The following KCNMB2 variants were observed in gnomAD, a reference collection of about 807,000 sequenced individuals.
KCNMB2 encodes calcium-activated potassium channel subunit beta-2.
In KCNMB2, 9 loss-of-function variants were observed where a neutral mutation model predicts 24.5. That is an observed-to-expected ratio of 0.37 (90% CI 0.22 to 0.64). KCNMB2 has a LOEUF of 0.64. Ranked by LOEUF, KCNMB2 falls within the 30% of genes least tolerant of loss-of-function variation. The probability of loss-of-function intolerance (pLI) is 0.63; values close to 1 mark genes in which losing one functional copy is unlikely to be tolerated. For synonymous variants in KCNMB2, 109 were observed against 104.4 expected (o/e 1.04, Z -0.27); for missense variants, 226 against 284.3 (o/e 0.79, Z 1.47).
chr3:178,629,002 A>G (rs987828253), intron 1 of KCNMB2, among the ~76,000 whole-genome samples: 27 of 152,256 alleles, frequency 1.8e-4, no homozygotes, highest in African/African-American at 6.5e-4. Context: ...CATTTAACTG[A>G]AGCAAATTTA....
chr3:178,814,533 T>C (rs1313279322), intron 2 of KCNMB2, among the ~76,000 whole-genome samples: 2 of 152,180 alleles, frequency 1.3e-5, no homozygotes, highest in African/African-American at 4.8e-5. Context: ...TAGTTCCATT[T>C]TCAGTAATTT....
chr3:178,742,160 G>A (rs531113309), intron 1 of KCNMB2, among the ~76,000 whole-genome samples: 55 of 152,218 alleles, frequency 3.6e-4, no homozygotes, highest in African/African-American at 1.2e-3. Context: ...GTATTTCATG[G>A]AGTAGAGCCA....
intron 1 of KCNMB2, among the ~76,000 whole-genome samples, chr3:178,576,610 C>G (rs913285389): frequency 3.3e-5 from 5 of 152,150 alleles, no homozygotes; most frequent in Non-Finnish European, 7.4e-5. Flanking sequence ...TTCTTGCTGC[C>G]AGCACAGCAG....
intron 4 of KCNMB2, 120 bp downstream of exon 4, chr3:178,828,493 C>T (rs953764714): frequency 1.5e-6 from 1 of 662,768 alleles, no homozygotes; most frequent in Non-Finnish European, 2.5e-6. Context: ...GCAGAGCCTG[C>T]CTCTTCCATT....
At chr3:178,564,598 T>C (rs1716451025) in intron 1 of KCNMB2, among the ~76,000 whole-genome samples, 1 of 152,166 alleles carries the variant, frequency 6.6e-6, no homozygotes, top group Non-Finnish European at 1.5e-5. Context: ...TTTACATGCA[T>C]TGCCTTATCG....
At chr3:178,651,664 C>T (rs992200418) in intron 1 of KCNMB2, among the ~76,000 whole-genome samples, 9 of 152,188 alleles carry the variant, frequency 5.9e-5, no homozygotes, top group African/African-American at 2.2e-4. Context: ...TACCTGACTT[C>T]AAACTATACT....
chr3:178,835,507 G>T (rs1715192842), intron 4 of KCNMB2, among the ~76,000 whole-genome samples: 1 of 151,682 alleles, frequency 6.6e-6, no homozygotes, highest in Admixed American at 6.6e-5. Context: ...GTGAATCCAA[G>T]GCTACCAGCT....
rs375913243 is a variant in KCNMB2, at chr3:178,790,751, C to T, written c.-67-16592C>T. Among the ~76,000 whole-genome samples the T allele has an allele frequency of 3.7e-4, 56 of 152,258 alleles. 1 individual carries two copies. In the South Asian group the frequency reaches 0.011, roughly 29 times the overall value. ...ACCCCTCCAACAGCTCCAGGCAACT[C>T]GGCACAAAGAGAGACACTTCATTTC... is the stretch of plus-strand genomic sequence containing the variant. On this transcript the variant is annotated intron_variant, in intron 1 of 4. Coordinates refer to ENST00000452583, the MANE Select transcript of KCNMB2 (RefSeq NM_181361.3).
intron 1 of KCNMB2, 130 bp from the exon 2 acceptor site, chr3:178,807,213 C>A: frequency 2.2e-6 from 1 of 461,050 alleles, no homozygotes; most frequent in Non-Finnish European, 3.8e-6. Context: ...TTAAAAATTC[C>A]CAGTCAATTT....
chr3:178,561,760 G>C (rs953806431), intron 1 of KCNMB2, among the ~76,000 whole-genome samples: 1 of 152,148 alleles, frequency 6.6e-6, no homozygotes, highest in Non-Finnish European at 1.5e-5. Context: ...AATCTGATAT[G>C]CAGCAACTAT....
chr3:178,612,889 A>ATTTTTTG lies in KCNMB2; in HGVS notation c.-68+76180_-68+76186dup, dbSNP rs1276626591. On this transcript the variant is annotated intron_variant, in intron 1 of 4. Coordinates refer to ENST00000452583, the MANE Select transcript of KCNMB2 (RefSeq NM_181361.3). ...AGTATGATTTTGCTTCTTACTTTAT[A>ATTTTTTG]TTTTTTGTGTATCTATTGTGTGTTT... Among the ~76,000 whole-genome samples the ATTTTTTG allele has an allele frequency of 8.6e-5, 13 of 152,018 alleles. No individual in the cohort carries two copies. The East Asian group carries it at 2.1e-3, about 25-fold the overall frequency.
At chr3:178,628,401 C>CT (rs1235609533) in intron 1 of KCNMB2, among the ~76,000 whole-genome samples, 1 of 152,144 alleles carries the variant, frequency 6.6e-6, no homozygotes, top group Non-Finnish European at 1.5e-5. Flanking sequence ...GTGCATTTAA[C>CT]TTATCATTTT....
chr3:178,590,081 G>A (rs1717607717), intron 1 of KCNMB2, among the ~76,000 whole-genome samples: 1 of 152,104 alleles, frequency 6.6e-6, no homozygotes, highest in Non-Finnish European at 1.5e-5. Context: ...GGTAAGGTTT[G>A]GTATGAGACT....
At chr3:178,817,218 T>TATATATATATATATATATATATATATAC (rs147866886) in intron 2 of KCNMB2, among the ~76,000 whole-genome samples, 4,942 of 134,584 alleles carry the variant, frequency 0.037, 217 homozygotes, top group Middle Eastern at 0.042. Context: ...GTTAATGACA[T>TATATATATATATATATATATATATATAC]ATATATATAA....
At chr3:178,603,049 G>A (rs1245267443) in intron 1 of KCNMB2, among the ~76,000 whole-genome samples, 2 of 152,174 alleles carry the variant, frequency 1.3e-5, no homozygotes, top group African/African-American at 4.8e-5. Context: ...CTGTGATCAA[G>A]GTGTAGAACT....
At chr3:178,774,010 T>G (rs948799311) in intron 1 of KCNMB2, among the ~76,000 whole-genome samples, 12 of 152,226 alleles carry the variant, frequency 7.9e-5, no homozygotes, top group African/African-American at 2.4e-4. Context: ...TGAGCATTGG[T>G]GTCTGGTGAG....
rs761789005 is a variant in KCNMB2, at chr3:178,843,295, T to C, written c.*358T>C. On this transcript the variant is annotated 3_prime_UTR_variant, in exon 5 of 5. Transcript: ENST00000452583. ...AGTCTGTGTTCTGAGTTGTCAGATCTCTTGAAGACAATATTTTTCATCACT... is the reference window on the plus strand; with the variant it reads ...AGTCTGTGTTCTGAGTTGTCAGATCCCTTGAAGACAATATTTTTCATCACT... 1.8e-5 allele frequency: 8 copies of C among 440,056 alleles called. No individual in the cohort carries two copies. Among genetic ancestry groups the C allele is most frequent in the South Asian group, 1.3e-4 (8 of 59,662 alleles). 27.3% of individuals were successfully genotyped at this position (440,056 alleles called of 1,614,324 possible). A position where few individuals can be genotyped will look rare whatever the true frequency, so the allele number is the denominator to read the frequency against.
At chr3:178,755,199 G>T (rs1168922234) in intron 1 of KCNMB2, among the ~76,000 whole-genome samples, 1 of 152,160 alleles carries the variant, frequency 6.6e-6, no homozygotes, top group Non-Finnish European at 1.5e-5. Context: ...GTGCATAGCA[G>T]GAGCACTCAA....
intron 1 of KCNMB2, among the ~76,000 whole-genome samples, chr3:178,646,634 T>C (rs1719934615): frequency 6.6e-6 from 1 of 152,150 alleles, no homozygotes; most frequent in Admixed American, 6.5e-5. Flanking sequence ...GACCAGCAGG[T>C]CTGAGAATTA....
Sources: gnomAD v4.1 joint callset for allele counts (sites outside exome capture counted in the v4.1 genomes callset) on GRCh38, gnomAD v4.1.1 for gene constraint, MANE v1.5 for transcripts, NCBI Gene and HGNC (gene_info 2026-07-23, HGNC 2026-07-21) for gene names.